RBFOX3: variants seen among roughly 807,000 people sequenced by gnomAD.
RBFOX3 encodes the protein RNA binding protein fox-1 homolog 3.
A neutral mutation model predicts 48.7 loss-of-function variants in RBFOX3; 17 were observed. The ratio of observed to expected loss-of-function variants is 0.35; its 90% CI spans 0.24 to 0.52. The LOEUF is 0.52. Among genes scored for constraint, RBFOX3 ranks in the 20% least tolerant of loss-of-function variants. The pLI is 0.94. For missense variants in RBFOX3, 382 were observed against 497.5 expected (o/e 0.77, Z 2.21); for synonymous variants, 212 against 209.5 (o/e 1.01, Z -0.10).
chr17:79,570,969 C>T (rs923570472), intron 1 of RBFOX3, among the ~76,000 whole-genome samples: 2 of 151,938 alleles, frequency 1.3e-5, no homozygotes, highest in African/African-American at 2.4e-5. Context: ...GGGGGGCCCC[C>T]GGGAGAAAAG....
chr17:79,520,567 G>A (rs1018433951), intron 1 of RBFOX3, among the ~76,000 whole-genome samples: 5 of 152,274 alleles, frequency 3.3e-5, no homozygotes, highest in East Asian at 3.9e-4. Context: ...CCCACCAGCC[G>A]TCTCCCTCTG....
At chr17:79,245,484 T>A (rs1038551103) in intron 3 of RBFOX3, among the ~76,000 whole-genome samples, 1 of 149,492 alleles carries the variant, frequency 6.7e-6, no homozygotes, top group Non-Finnish European at 1.5e-5. Flanking sequence ...CATCTTTAGG[T>A]GCACAGTTCA....
intron 1 of RBFOX3, among the ~76,000 whole-genome samples, chr17:79,483,859 G>A (rs981908520): frequency 1.1e-4 from 16 of 152,258 alleles, no homozygotes; most frequent in Admixed American, 2.0e-4. Context: ...CATATCCCAC[G>A]ATCACACCGG....
At chr17:79,101,746 C>G (rs2076478154) in intron 8 of RBFOX3, 102 bp from the exon 9 acceptor site, 2 of 1,004,118 alleles carry the variant, frequency 2.0e-6, no homozygotes, top group Non-Finnish European at 1.5e-6. Flanking sequence ...CCCGGCACCC[C>G]CCGCCCCAGC....
chr17:79,509,584 C>T (rs2083787180), intron 1 of RBFOX3, among the ~76,000 whole-genome samples: 2 of 152,170 alleles, frequency 1.3e-5, no homozygotes, highest in Admixed American at 6.5e-5. Context: ...CCATACCATT[C>T]CCCACCCCAA....
the RBFOX3 span, among the ~76,000 whole-genome samples, chr17:79,662,954 T>C: frequency 6.6e-6 from 1 of 152,106 alleles, no homozygotes; most frequent in African/African-American, 2.4e-5. Context: ...AAACAAGGAA[T>C]GACAAACACA....
intron 4 of RBFOX3, among the ~76,000 whole-genome samples, chr17:79,125,044 C>G (rs946262426): frequency 1.3e-5 from 2 of 152,184 alleles, no homozygotes; most frequent in African/African-American, 4.8e-5. Context: ...CTGTGCTGTC[C>G]CTGGTGGTCC....
intron 4 of RBFOX3, among the ~76,000 whole-genome samples, chr17:79,163,380 C>A (rs2047358105): frequency 6.6e-6 from 1 of 152,184 alleles, no homozygotes; most frequent in Non-Finnish European, 1.5e-5. Flanking sequence ...ACTGAGAGAT[C>A]CCGGAAACAA....
intron 4 of RBFOX3, among the ~76,000 whole-genome samples, chr17:79,119,870 A>G (rs1192225530): frequency 6.6e-6 from 1 of 152,190 alleles, no homozygotes; most frequent in Admixed American, 6.5e-5. Flanking sequence ...CTCCTGAACA[A>G]CAGAGGCCAC....
At chr17:79,123,972 A>G (rs2036475964) in intron 4 of RBFOX3, among the ~76,000 whole-genome samples, 1 of 152,360 alleles carries the variant, frequency 6.6e-6, no homozygotes. Context: ...CCAGGGTCAC[A>G]GAGCCAAGGT....
At chr17:79,513,311 T>G (rs1414086459) in intron 1 of RBFOX3, among the ~76,000 whole-genome samples, 6 of 150,868 alleles carry the variant, frequency 4.0e-5, no homozygotes, top group South Asian at 4.2e-4. Context: ...CATGGCCAGG[T>G]GACACACACC....
chr17:79,394,171 T>TCA (rs1319895699), intron 2 of RBFOX3, among the ~76,000 whole-genome samples: 1 of 152,194 alleles, frequency 6.6e-6, no homozygotes, highest in Non-Finnish European at 1.5e-5. Flanking sequence ...GAATCGGTCA[T>TCA]CACACACACA....
At chr17:79,664,349 ATT>A in the RBFOX3 span, among the ~76,000 whole-genome samples, 15 of 139,038 alleles carry the variant, frequency 1.1e-4, no homozygotes, top group East Asian at 2.1e-4. Flanking sequence ...TAATTTTTGT[ATT>A]TTTTTTTTTT....
chr17:79,546,192 C>T (rs1341517313), intron 1 of RBFOX3, among the ~76,000 whole-genome samples: 1 of 152,168 alleles, frequency 6.6e-6, no homozygotes, highest in Non-Finnish European at 1.5e-5. Flanking sequence ...CACTGATGAA[C>T]GACAACCATG....
chr17:79,154,682 G>A (rs1188216201), intron 4 of RBFOX3, among the ~76,000 whole-genome samples: 2 of 152,246 alleles, frequency 1.3e-5, no homozygotes, highest in Non-Finnish European at 2.9e-5. Context: ...GGAGACTGGC[G>A]TGGGTTCAGA....
intron 3 of RBFOX3, among the ~76,000 whole-genome samples, chr17:79,306,398 T>A (rs78514397): frequency 0.011 from 1,628 of 152,364 alleles, 24 homozygotes; most frequent in African/African-American, 0.034. Context: ...TCTCTTGGAA[T>A]TTGGCTGATC....
intron 4 of RBFOX3, among the ~76,000 whole-genome samples, chr17:79,152,389 CAGAGAGT>C (rs1568236670): frequency 6.6e-6 from 1 of 152,058 alleles, no homozygotes; most frequent in Admixed American, 6.5e-5. Flanking sequence ...AGCCGAGGCC[CAGAGAGT>C]CATAGGAGCA....
At position 79,206,898 on chromosome 17, in the gene RBFOX3, A is replaced by C. The variant is rs534613576; in HGVS notation, c.-34+28868T>G. 5.3e-5 allele frequency among the ~76,000 whole-genome samples: 8 copies of C among 152,242 alleles called. No individual in the cohort carries two copies. In the East Asian group the frequency reaches 1.5e-3, roughly 29 times the overall value. On this transcript the variant is annotated intron_variant, in intron 4 of 14. Transcript: ENST00000693108. ...CCCCATCTCATTGACTCAATAGTAC[A>C]CCTGGAATGGCTTTCTTCCTCCCCA...
At chr17:79,466,773 G>C (rs1433941728) in intron 2 of RBFOX3, among the ~76,000 whole-genome samples, 1 of 152,150 alleles carries the variant, frequency 6.6e-6, no homozygotes, top group Non-Finnish European at 1.5e-5. Context: ...TGGTTTGAGT[G>C]GTAAACTCAG....
Sources: gnomAD v4.1 joint callset for allele counts (sites outside exome capture counted in the v4.1 genomes callset) on GRCh38, gnomAD v4.1.1 for gene constraint, MANE v1.5 for transcripts, NCBI Gene and HGNC (gene_info 2026-07-23, HGNC 2026-07-21) for gene names.